TRPC1: variants seen among roughly 807,000 people sequenced by gnomAD.
TRPC1 encodes short transient receptor potential channel 1.
In TRPC1, 42 loss-of-function variants were observed where a neutral mutation model predicts 88.2. The observed-to-expected ratio is 0.48, with a 90% CI of 0.37 to 0.62. The LOEUF is 0.62. Among genes scored for constraint, TRPC1 ranks in the 20% least tolerant of loss-of-function variants. TRPC1 has a pLI of 0.00. For missense variants in TRPC1, 699 were observed against 957.3 expected, an observed-to-expected ratio of 0.73 and a Z score of 3.56; for synonymous variants, 288 against 331.8, an observed-to-expected ratio of 0.87 and a Z score of 1.43.
In TRPC1 at chr3:142,724,335, C is replaced by T. The variant is rs1933564167; in HGVS notation, c.-225C>T. 1 of 340,458 alleles carries T rather than the reference C, an allele frequency of 2.9e-6. No individual in the cohort carries two copies. The allele number at this position is 340,458 out of a possible 1,614,324, so 21.1% of individuals were successfully genotyped here. On this transcript the variant is annotated 5_prime_UTR_variant, in exon 1 of 13. Coordinates refer to ENST00000476941, the MANE Select transcript of TRPC1 (RefSeq NM_001251845.2). The surrounding 1 kb of genome is among the most constrained non-coding windows in gnomAD (Gnocchi z 5.6). The stretch of plus-strand genomic sequence containing the variant: ...GCGGCTGGGGAGGGGTCGCTGGCCC[C>T]GGGGCCGCGCATGCGCCGCCACCAA...
At chr3:142,805,538 A>G (rs1936768709) in intron 12 of TRPC1, among the ~76,000 whole-genome samples, 1 of 152,222 alleles carries the variant, frequency 6.6e-6, no homozygotes, top group African/African-American at 2.4e-5. Flanking sequence ...GATAAAAGTC[A>G]AAATATAACA....
intron 6 of TRPC1, among the ~76,000 whole-genome samples, chr3:142,782,849 G>T: frequency 6.6e-6 from 1 of 152,208 alleles, no homozygotes; most frequent in Admixed American, 6.5e-5. Flanking sequence ...TGTGACCTCT[G>T]TGTGCAGCCT....
intron 2 of TRPC1, among the ~76,000 whole-genome samples, chr3:142,742,643 G>A (rs1934396623): frequency 6.6e-6 from 1 of 152,166 alleles, no homozygotes; most frequent in South Asian, 2.1e-4. Flanking sequence ...CAGTTAAAAT[G>A]TACAGATTGA....
At position 142,748,347 on chromosome 3, in the gene TRPC1, A is replaced by G. The variant is rs930450859; in HGVS notation, c.519A>G (p.Glu173=). Residue 173 remains glutamate (E), a synonymous_variant, in exon 4 of 13, where the codon GAA becomes GAG. Transcript: ENST00000476941. ...VILAAHRNNY[E]ILTMLLKQDV... The stretch of plus-strand genomic sequence containing the variant: ...TAGCTGCTCATCGTAACAACTATGA[A>G]ATTCTTACAATGCTCTTAAAACAGG... The G allele has an allele frequency of 2.3e-5, 37 of 1,614,114 alleles. No homozygotes were observed. The highest frequency in any genetic ancestry group is 3.1e-5 in the Non-Finnish European group (37 of 1,179,982).
rs1695695638 is a variant in TRPC1 at position 142,807,398 on chromosome 3, G to A, written c.*1163G>A. The A allele has an allele frequency of 6.6e-6, 1 of 152,080 alleles. No individual in the cohort carries two copies. The highest frequency in any genetic ancestry group is 2.1e-4 in the South Asian group (1 of 4,816). The allele number at this position is 152,080 out of a possible 1,614,324, so 9.4% of individuals were successfully genotyped here. On this transcript the variant is annotated 3_prime_UTR_variant, in exon 13 of 13. Coordinates refer to ENST00000476941, the MANE Select transcript of TRPC1 (RefSeq NM_001251845.2). ...TAAATTTTTGGTGTGTTCACATAAAGGGATGTAGCTAAAATGTTTTCATAG... is the reference window on the plus strand; with the variant it reads ...TAAATTTTTGGTGTGTTCACATAAAAGGATGTAGCTAAAATGTTTTCATAG...
At chr3:142,732,603 T>C (rs1200662881) in intron 1 of TRPC1, among the ~76,000 whole-genome samples, 1 of 151,906 alleles carries the variant, frequency 6.6e-6, no homozygotes, top group Non-Finnish European at 1.5e-5. Flanking sequence ...TGGAGACAAG[T>C]AGATGATTAT....
Position 142,743,587 on chromosome 3 carries a change from G to C in TRPC1, c.429+1G>C, listed in dbSNP as rs574508117. 12 of 1,481,354 alleles carry C rather than the reference G, an allele frequency of 8.1e-6. No homozygotes were observed. The highest frequency in any genetic ancestry group is 4.7e-5 in the Admixed American group (2 of 42,406). The allele number at this position is 1,481,354 out of a possible 1,614,324, so 91.8% of individuals were successfully genotyped here. A position where few individuals can be genotyped will look rare whatever the true frequency, so the allele number is the denominator to read the frequency against. On this transcript the variant is annotated splice_donor_variant, in intron 3 of 12. Coordinates refer to ENST00000476941, the MANE Select transcript of TRPC1 (RefSeq NM_001251845.2). LOFTEE classifies it high-confidence loss of function. ...ACGATCATCAAGACCAACTATAGTAGTTAGTACTCTTAAATATTTATTAAT... is the reference window on the plus strand; with the variant it reads ...ACGATCATCAAGACCAACTATAGTACTTAGTACTCTTAAATATTTATTAAT...
intron 4 of TRPC1, among the ~76,000 whole-genome samples, chr3:142,771,253 T>C (rs1349903365): frequency 6.6e-6 from 1 of 152,254 alleles, no homozygotes; most frequent in Non-Finnish European, 1.5e-5. Context: ...TAATTATTTT[T>C]TCACTGAATT....
At position 142,792,967 on chromosome 3, in the gene TRPC1, G is replaced by T; in HGVS notation, c.1581G>T (p.Gln527His). Residue 527 changes from glutamine to histidine, a missense_variant and splice_region_variant, in exon 9 of 13, where the codon CAG becomes CAT. Gln to His is a conservative substitution (Grantham distance 24). This residue lies in a region of TRPC1 where 426 missense variants were observed against 641.3 expected (regional missense o/e 0.66). Transcript: ENST00000476941. This position sits in a 1 kb window ranked among gnomAD's most constrained non-coding sequence, Gnocchi z 4.0. Reference sequence around the variant, plus strand: ...CCAGCTCTATCTTGGGTCCATTACAGGTAAATAATTAAAATTTCTTAAAGA... The same window carrying T: ...CCAGCTCTATCTTGGGTCCATTACATGTAAATAATTAAAATTTCTTAAAGA... ...YTTSSILGPLQISMGQMLQDF... is the reference protein window; with the variant it reads ...YTTSSILGPLHISMGQMLQDF... 6.4e-7 allele frequency: 1 copy of T among 1,568,924 alleles called. No homozygotes were observed. The highest frequency in any genetic ancestry group is 2.3e-5 in the East Asian group (1 of 43,442).
intron 1 of TRPC1, among the ~76,000 whole-genome samples, chr3:142,728,806 C>T (rs1024986173): frequency 6.6e-6 from 1 of 151,960 alleles, no homozygotes; most frequent in African/African-American, 2.4e-5. Flanking sequence ...AATTTTTTTA[C>T]TTATTTGAGA....
chr3:142,798,005 ATTAGAG>A (rs1258960040), intron 9 of TRPC1, among the ~76,000 whole-genome samples: 1 of 152,070 alleles, frequency 6.6e-6, no homozygotes, highest in African/African-American at 2.4e-5. Context: ...TTTGGTGTAT[ATTAGAG>A]TTAGAGAAAC....
intron 11 of TRPC1, 35 bp downstream of exon 11, chr3:142,804,213 T>C (rs1936710600): frequency 2.5e-6 from 4 of 1,601,252 alleles, no homozygotes; most frequent in Admixed American, 3.3e-5. Context: ...TATATTCTCC[T>C]CAGACCATAC....
At chr3:142,735,305 GC>G (rs1401390489) in intron 1 of TRPC1, among the ~76,000 whole-genome samples, 1 of 151,908 alleles carries the variant, frequency 6.6e-6, no homozygotes, top group African/African-American at 2.4e-5. Context: ...CACTTATTTA[GC>G]CCAGTTTCAG....
At position 142,730,159 on chromosome 3, in the gene TRPC1, T is replaced by TG. The variant is rs1027409326; in HGVS notation, c.172+5429dup. On this transcript the variant is annotated intron_variant, in intron 1 of 12. Transcript: ENST00000476941. The stretch of plus-strand genomic sequence containing the variant: ...TTTTAAACAACTTACAGCAGCATTG[T>TG]GAATGGGATCTCATGTCATTTATCA... Among the ~76,000 whole-genome samples the TG allele has an allele frequency of 5.8e-4, 89 of 152,178 alleles. 1 individual carries two copies. The highest frequency in any genetic ancestry group is 1.3e-4 in the Admixed American group (2 of 15,288).
intron 1 of TRPC1, among the ~76,000 whole-genome samples, chr3:142,734,120 TGAA>T: frequency 6.6e-6 from 1 of 152,310 alleles, no homozygotes; most frequent in East Asian, 1.9e-4. Context: ...TTGTGGGCTC[TGAA>T]TAAGGCTAAA....
intron 1 of TRPC1, among the ~76,000 whole-genome samples, chr3:142,726,593 C>T (rs1444092004): frequency 6.6e-6 from 1 of 152,096 alleles, no homozygotes; most frequent in African/African-American, 2.4e-5. Flanking sequence ...GTCTAAACAA[C>T]TTCTTGAGTT....
chr3:142,792,524 T>C lies in TRPC1; in HGVS notation c.1438-300T>C, dbSNP rs1353290757. Among the ~76,000 whole-genome samples the C allele has an allele frequency of 6.6e-6, 1 of 152,034 alleles. No homozygotes were observed. The highest frequency in any genetic ancestry group is 1.9e-4 in the East Asian group (1 of 5,208). On this transcript the variant is annotated intron_variant, in intron 8 of 12. Transcript: ENST00000476941. The surrounding 1 kb of genome is among the most constrained non-coding windows in gnomAD (Gnocchi z 4.0). The stretch of plus-strand genomic sequence containing the variant: ...TTTGTGTTGTGGAATTTAAGAAAAC[T>C]AGCCAACATTTCATTAATAAAAAGC...
In TRPC1 at chr3:142,743,561, A is replaced by C; in HGVS notation, c.404A>C (p.Lys135Thr). 6.6e-7 allele frequency: 1 copy of C among 1,524,556 alleles called. No individual in the cohort carries two copies. Among genetic ancestry groups the C allele is most frequent in the Non-Finnish European group, 8.8e-7 (1 of 1,142,094 alleles). The allele number at this position is 1,524,556 out of a possible 1,614,324, so 94.4% of individuals were successfully genotyped here. A position where few individuals can be genotyped will look rare whatever the true frequency, so the allele number is the denominator to read the frequency against. ...AVDILLNHRP[K>T]RSSRPTIVKL... is the part of the protein sequence containing the mutation. Reference sequence around the variant, plus strand: ...GATATACTACTTAATCATCGACCAAAACGATCATCAAGACCAACTATAGTA... The same window carrying C: ...GATATACTACTTAATCATCGACCAACACGATCATCAAGACCAACTATAGTA... Residue 135 changes from lysine (K) to threonine (T), a missense_variant, in exon 3 of 13, where the codon AAA (lysine) becomes ACA (threonine). Lys to Thr is a moderately conservative substitution (Grantham distance 78). This residue lies in a region of TRPC1 where 426 missense variants were observed against 641.3 expected (regional missense o/e 0.66). Coordinates refer to ENST00000476941, the MANE Select transcript of TRPC1 (RefSeq NM_001251845.2).
At chr3:142,743,346 T>G in intron 2 of TRPC1, 139 bp from the exon 3 acceptor site, 3 of 571,972 alleles carry the variant, frequency 5.2e-6, no homozygotes, top group Non-Finnish European at 8.7e-6. Flanking sequence ...ATTTGTACAG[T>G]CAAAATTTTT....
Sources: gnomAD v4.1 joint callset for allele counts (sites outside exome capture counted in the v4.1 genomes callset) on GRCh38, gnomAD v4.1.1 for gene constraint, gnomAD v4.1.1 regional missense constraint, Gnocchi (gnomAD v3.1) non-coding constraint, MANE v1.5 for transcripts, NCBI Gene and HGNC (gene_info 2026-07-23, HGNC 2026-07-21) for gene names.